The following CROCC variants were observed in gnomAD, a reference collection of about 807,000 sequenced individuals.
CROCC encodes the protein ciliary rootlet coiled-coil, rootletin, also known as rootletin.
CROCC carries 180 observed loss-of-function variants against 245.2 expected under a neutral mutation model. That is an observed-to-expected ratio of 0.73 (90% CI 0.65 to 0.83). The LOEUF is 0.83. Among genes scored for constraint, CROCC ranks in the 40% least tolerant of loss-of-function variants. CROCC has a pLI of 0.00. For missense variants in CROCC, 2,688 were observed against 2,779.4 expected, an observed-to-expected ratio of 0.97 and a Z score of 0.74; for synonymous variants, 1,205 against 1,241.6, an observed-to-expected ratio of 0.97 and a Z score of 0.62.
In CROCC at chr1:16,954,773, CG is replaced by C; in HGVS notation, c.3364del (p.Ala1122ProfsTer14). On this transcript the variant is annotated frameshift_variant, in exon 23 of 37. Coordinates refer to ENST00000375541, the MANE Select transcript of CROCC (RefSeq NM_014675.5). LOFTEE classifies it high-confidence loss of function. The surrounding 1 kb of genome is among the most constrained non-coding windows in gnomAD (Gnocchi z 4.4). ...TCTGACGTCTGAGCTGCGGGACCTACGGGCCCAGCGGGAGGAGGCTGCTGCG... is the reference window on the plus strand; with the variant it reads ...TCTGACGTCTGAGCTGCGGGACCTACGGCCCAGCGGGAGGAGGCTGCTGCG... ...NALTSELRDL[R>X]AQREEAAAAH... The C allele has an allele frequency of 1.3e-6, 2 of 1,554,162 alleles. No homozygotes were observed. The highest frequency in any genetic ancestry group is 1.7e-6 in the Non-Finnish European group (2 of 1,149,372).
At chr1:16,925,574 A>G (rs1360426859) in intron 3 of CROCC, among the ~76,000 whole-genome samples, 4 of 152,250 alleles carry the variant, frequency 2.6e-5, no homozygotes, top group African/African-American at 9.6e-5. Context: ...CAAAGTTGGA[A>G]GGGACCCAGA....
chr1:16,939,881 C>T lies in CROCC; in HGVS notation c.1609-13C>T. ...TCAGGCCCCCCCAGACTCTGTGACC[C>T]CCCACACCCCAGGACATGCGTGGGC... On this transcript the variant is annotated splice_polypyrimidine_tract_variant and intron_variant, in intron 12 of 36. Transcript: ENST00000375541. 6.2e-7 allele frequency: 1 copy of T among 1,611,552 alleles called. No homozygotes were observed. Among genetic ancestry groups the T allele is most frequent in the Middle Eastern group, 2.1e-4 (1 of 4,830 alleles).
intron 27 of CROCC, among the ~76,000 whole-genome samples, chr1:16,962,615 C>T (rs1247141283): frequency 6.7e-6 from 1 of 148,732 alleles, no homozygotes; most frequent in East Asian, 2.0e-4. Flanking sequence ...CTTACGTGAT[C>T]TGCCCACCTC....
At chr1:16,915,834 G>T (rs1157758424) in intron 1 of CROCC, among the ~76,000 whole-genome samples, 4 of 152,246 alleles carry the variant, frequency 2.6e-5, no homozygotes, top group African/African-American at 4.8e-5. Flanking sequence ...AGAGAAAGTG[G>T]CAGTGCAAAG....
chr1:16,942,834 G>A (rs1481034826), intron 13 of CROCC, among the ~76,000 whole-genome samples: 1 of 152,276 alleles, frequency 6.6e-6, no homozygotes, highest in Non-Finnish European at 1.5e-5. Context: ...GACTGAGCGA[G>A]GTGGCTCACA....
chr1:16,971,899 G>A (rs765456307), intron 36 of CROCC, among the ~76,000 whole-genome samples: 63 of 152,184 alleles, frequency 4.1e-4, no homozygotes, highest in Non-Finnish European at 6.9e-4. Flanking sequence ...TGGGTGGCCA[G>A]GTGGCCTCAG....
chr1:16,929,044 C>G (rs56268619), intron 3 of CROCC, among the ~76,000 whole-genome samples: 9,577 of 149,964 alleles, frequency 0.064, no homozygotes, highest in African/African-American at 0.068. Context: ...CCAGGCTGGT[C>G]TTGAACCCCT....
At chr1:16,972,242 G>A (rs2076533557) in intron 36 of CROCC, 118 bp from the exon 37 acceptor site, 2 of 822,974 alleles carry the variant, frequency 2.4e-6, no homozygotes. Flanking sequence ...CTGGCTCTCA[G>A]TGAGACCAGA....
intron 16 of CROCC, 151 bp from the exon 17 acceptor site, chr1:16,946,610 C>G (rs1283072923): frequency 1.9e-6 from 2 of 1,061,122 alleles, no homozygotes; most frequent in Non-Finnish European, 2.7e-6. Context: ...CTCATCTCCC[C>G]CTCCCCAGTG....
Position 16,948,396 on chromosome 1 carries a change from A to G in CROCC, c.2580A>G (p.Gln860=), listed in dbSNP as rs747322666. 6 of 1,577,754 alleles carry G rather than the reference A, an allele frequency of 3.8e-6. No homozygotes were observed. Among genetic ancestry groups the G allele is most frequent in the Non-Finnish European group, 5.2e-6 (6 of 1,164,434 alleles). Residue 860 remains glutamine (Q), a synonymous_variant, in exon 18 of 37, where the codon CAA becomes CAG. Coordinates refer to ENST00000375541, the MANE Select transcript of CROCC (RefSeq NM_014675.5). ...AGGCCCGGCGGGAGGCCCAGCGGCA[A>G]GTGGAGGCGCTGGAGCGAGCGGCCC... The part of the protein sequence containing the change: ...LEQARREAQR[Q]VEALERAARE...
intron 27 of CROCC, among the ~76,000 whole-genome samples, 185 bp from the exon 28 acceptor site, chr1:16,965,538 C>A (rs1331182578): frequency 1.3e-5 from 2 of 152,166 alleles, no homozygotes; most frequent in African/African-American, 4.8e-5. Flanking sequence ...ATGGGAGATG[C>A]AGGGTGGCCA....
chr1:16,971,260 C>T (rs977683122), intron 35 of CROCC, among the ~76,000 whole-genome samples: 1 of 148,866 alleles, frequency 6.7e-6, no homozygotes, highest in Non-Finnish European at 1.5e-5. Flanking sequence ...TGTCCATGCA[C>T]CTGCCTGAGT....
intron 17 of CROCC, among the ~76,000 whole-genome samples, chr1:16,947,559 A>G (rs1279780102): frequency 1.3e-5 from 2 of 152,212 alleles, no homozygotes; most frequent in African/African-American, 4.8e-5. Context: ...ACTTTTGGGA[A>G]CATCACATCT....
upstream of CROCC, chr1:16,921,874 C>G (rs1229732885): frequency 1.3e-6 from 1 of 789,342 alleles, no homozygotes; most frequent in Non-Finnish European, 2.1e-6. Context: ...CTCCTCCCAC[C>G]GCGGTGGTCA....
rs369887673 is a variant in CROCC, at chr1:16,957,536, G to A, written c.3865-1047G>A. Among the ~76,000 whole-genome samples the A allele has an allele frequency of 1.6e-4, 24 of 152,160 alleles. No individual in the cohort carries two copies. In the South Asian group the frequency reaches 4.4e-3, roughly 28 times the overall value. On this transcript the variant is annotated intron_variant, in intron 25 of 36. Transcript: ENST00000375541. ...CGGCTCACTGCAACCTCCGCCTCCC[G>A]GGTTCAAGTAATTCTCCTGACTCAG...
rs140680404 is a variant in CROCC at position 16,972,284 on chromosome 1, C to T, written c.5968-76C>T. ...CTGAAACTGTGGCACTGTGTCCCTCCGGGTTCCCTGCTGCCTCCCTTTCTC... is the reference window on the plus strand; with the variant it reads ...CTGAAACTGTGGCACTGTGTCCCTCTGGGTTCCCTGCTGCCTCCCTTTCTC... On this transcript the variant is annotated intron_variant, in intron 36 of 36. Coordinates refer to ENST00000375541, the MANE Select transcript of CROCC (RefSeq NM_014675.5). The T allele has an allele frequency of 7.9e-4, 914 of 1,156,020 alleles. 14 individuals carry two copies. The East Asian group carries it at 0.02, about 25-fold the overall frequency. 71.6% of individuals were successfully genotyped at this position (1,156,020 alleles called of 1,614,324 possible).
chr1:16,952,163 A>G (rs2076172328), intron 20 of CROCC, among the ~76,000 whole-genome samples: 1 of 149,300 alleles, frequency 6.7e-6, no homozygotes, highest in South Asian at 2.2e-4. Flanking sequence ...CTGGGATTAC[A>G]GGCATGAGCT....
intron 30 of CROCC, among the ~76,000 whole-genome samples, chr1:16,967,483 G>C (rs1374566103): frequency 6.6e-6 from 1 of 152,208 alleles, no homozygotes; most frequent in African/African-American, 2.4e-5. Context: ...AGCCGCAGGG[G>C]CTGCAGGAGG....
chr1:16,956,978 A>G (rs1050915279), intron 25 of CROCC, among the ~76,000 whole-genome samples: 7 of 152,228 alleles, frequency 4.6e-5, no homozygotes, highest in East Asian at 1.9e-4. Flanking sequence ...TCACCCAGAG[A>G]TATCACAACC....
Sources: gnomAD v4.1 joint callset for allele counts (sites outside exome capture counted in the v4.1 genomes callset) on GRCh38, gnomAD v4.1.1 for gene constraint, Gnocchi (gnomAD v3.1) non-coding constraint, MANE v1.5 for transcripts, NCBI Gene and HGNC (gene_info 2026-07-23, HGNC 2026-07-21) for gene names.